Variants in RBM6 observed in about 807,000 individuals in gnomAD.
RBM6 encodes the protein RNA-binding protein 6.
In RBM6, 23 loss-of-function variants were observed where a neutral mutation model predicts 140.4. That is an observed-to-expected ratio of 0.16 (90% CI 0.12 to 0.23). RBM6 has a LOEUF of 0.23. Ranked by LOEUF, RBM6 falls within the 10% of genes least tolerant of loss-of-function variation. The pLI is 1.00. For synonymous variants in RBM6, 439 were observed against 475.6 expected (o/e 0.92, Z 1.00); for missense variants, 1,139 against 1,386.7 (o/e 0.82, Z 2.84).
At chr3:49,996,025 C>G (rs2086069140) in intron 5 of RBM6, among the ~76,000 whole-genome samples, 1 of 152,108 alleles carries the variant, frequency 6.6e-6, no homozygotes, top group African/African-American at 2.4e-5. Flanking sequence ...CTTATTTGAA[C>G]TGTATCCCCC....
chr3:50,052,067 G>A (rs1056354916), intron 7 of RBM6, among the ~76,000 whole-genome samples: 1 of 152,024 alleles, frequency 6.6e-6, no homozygotes, highest in Non-Finnish European at 1.5e-5. Context: ...ACTTTATGGG[G>A]TTTGTTTTTG....
At chr3:49,968,836 A>C in intron 3 of RBM6, 88 bp downstream of exon 3, 1 of 1,386,394 alleles carries the variant, frequency 7.2e-7, no homozygotes, top group Non-Finnish European at 9.3e-7. Context: ...CCTGGAGTGC[A>C]GTGGTGCGAT....
chr3:49,962,722 T>C (rs2084337837), intron 2 of RBM6, 37 bp downstream of exon 2: 5 of 1,502,154 alleles, frequency 3.3e-6, no homozygotes, highest in Non-Finnish European at 4.5e-6. Context: ...ATTGCCAGTA[T>C]TTTAATTATA....
At chr3:49,984,877 G>A (rs1240921995) in intron 5 of RBM6, among the ~76,000 whole-genome samples, 3 of 152,194 alleles carry the variant, frequency 2.0e-5, no homozygotes, top group South Asian at 2.1e-4. Context: ...CCACTTACCA[G>A]TTTTGAGACA....
intron 4 of RBM6, among the ~76,000 whole-genome samples, chr3:49,972,552 G>A (rs1291516455): frequency 6.6e-6 from 1 of 152,116 alleles, no homozygotes; most frequent in African/African-American, 2.4e-5. Context: ...CAAAGGATTG[G>A]CTGACTAAAT....
chr3:50,075,057 G>T, intron 19 of RBM6, 144 bp from the exon 20 acceptor site: 1 of 922,718 alleles, frequency 1.1e-6, no homozygotes, highest in Non-Finnish European at 1.6e-6. Context: ...TCGGGAGGCT[G>T]AGGCAGGAGA....
intron 6 of RBM6, among the ~76,000 whole-genome samples, chr3:50,004,462 C>T (rs949306764): frequency 6.7e-6 from 1 of 150,186 alleles, no homozygotes; most frequent in African/African-American, 2.5e-5. Context: ...ACTACCACCA[C>T]CACAGCTGGC....
At chr3:49,947,270 G>T (rs1448990693) in intron 1 of RBM6, among the ~76,000 whole-genome samples, 1 of 110,336 alleles carries the variant, frequency 9.1e-6, no homozygotes, top group Non-Finnish European at 2.1e-5. Flanking sequence ...AAAGGGGGGG[G>T]GGGGGGGTTT....
At chr3:50,043,422 G>T (rs952853491) in intron 6 of RBM6, among the ~76,000 whole-genome samples, 1 of 150,750 alleles carries the variant, frequency 6.6e-6, no homozygotes, top group African/African-American at 2.4e-5. Flanking sequence ...GGCAGAGGTT[G>T]CAGTGTGCCA....
Position 50,075,182 on chromosome 3 carries a change from G to A in RBM6, c.3117-19G>A. ...AAAAAAAAAAAAAAAGGAAGTGATG[G>A]TGTCTGCTTCTTTTGCAGTGATCGT... On this transcript the variant is annotated intron_variant, in intron 19 of 20. Transcript: ENST00000266022. 1 of 1,599,068 alleles carries A rather than the reference G, an allele frequency of 6.3e-7. No homozygotes were observed. The highest frequency in any genetic ancestry group is 1.4e-5 in the African/African-American group (1 of 74,032).
intron 6 of RBM6, among the ~76,000 whole-genome samples, chr3:50,041,898 G>A (rs767319060): frequency 1.1e-4 from 16 of 152,144 alleles, no homozygotes; most frequent in Non-Finnish European, 1.8e-4. Context: ...GATGTGGGAA[G>A]TGTCATGAAT....
intron 15 of RBM6, among the ~76,000 whole-genome samples, 171 bp downstream of exon 15, chr3:50,062,279 C>T (rs192855800): frequency 2.0e-5 from 3 of 152,104 alleles, no homozygotes; most frequent in Admixed American, 6.5e-5. Context: ...CCAAGGCGGG[C>T]GGATCATGAG....
intron 6 of RBM6, among the ~76,000 whole-genome samples, chr3:50,044,188 C>G (rs115986941): frequency 1.3e-5 from 2 of 152,074 alleles, no homozygotes; most frequent in African/African-American, 2.4e-5. Context: ...TATATGGTAC[C>G]TCTTTAGGAG....
intron 5 of RBM6, among the ~76,000 whole-genome samples, chr3:49,981,395 G>A (rs973524106): frequency 2.6e-5 from 4 of 152,160 alleles, no homozygotes; most frequent in Non-Finnish European, 5.9e-5. Flanking sequence ...AAACTCTGGG[G>A]TGGGGCCCAG....
chr3:50,077,201 A>G lies in RBM6; in HGVS notation c.*68A>G. ...TGTTTGTCTCTCCTTTTCTTTTGTT[A>G]CTGTTCTTGCTGCTAGAACTTTTTT... On this transcript the variant is annotated 3_prime_UTR_variant, in exon 21 of 21. Transcript: ENST00000266022. The G allele has an allele frequency of 6.7e-7, 1 of 1,501,822 alleles. No individual in the cohort carries two copies. The highest frequency in any genetic ancestry group is 9.0e-7 in the Non-Finnish European group (1 of 1,115,414). 93.0% of individuals were successfully genotyped at this position (1,501,822 alleles called of 1,614,324 possible).
At chr3:50,019,737 G>A (rs980572369) in intron 6 of RBM6, among the ~76,000 whole-genome samples, 1 of 152,030 alleles carries the variant, frequency 6.6e-6, no homozygotes, top group African/African-American at 2.4e-5. Context: ...CCATAAGTGT[G>A]ATGTTAGCTA....
chr3:50,061,644 T>C, intron 14 of RBM6, 97 bp downstream of exon 14: 1 of 1,515,352 alleles, frequency 6.6e-7, no homozygotes, highest in Non-Finnish European at 8.8e-7. Context: ...AGGATTTTAT[T>C]CCCTGGATTC....
chr3:49,992,782 G>GT (rs1240118433), intron 5 of RBM6, among the ~76,000 whole-genome samples: 1 of 152,152 alleles, frequency 6.6e-6, no homozygotes, highest in African/African-American at 2.4e-5. Flanking sequence ...TGGGACCTCT[G>GT]TTTTTTTGGT....
intron 6 of RBM6, among the ~76,000 whole-genome samples, chr3:50,036,015 C>T (rs2088518497): frequency 6.6e-6 from 1 of 152,126 alleles, no homozygotes. Flanking sequence ...CCACCTTGGC[C>T]TCCCAAAGTG....
Sources: allele counts gnomAD v4.1 joint callset (sites outside exome capture counted in the v4.1 genomes callset), GRCh38; gene constraint gnomAD v4.1.1; transcripts MANE v1.5; gene names NCBI Gene and HGNC (gene_info 2026-07-23, HGNC 2026-07-21).